The following RANBP17 variants were observed in gnomAD, a reference collection of about 807,000 sequenced individuals.
The protein encoded by RANBP17 is RAN binding protein 17, also known as ran-binding protein 17.
Under a neutral mutation model 141.2 loss-of-function variants are expected in RANBP17, and 158 were observed. That is an observed-to-expected ratio of 1.12 (90% confidence interval 0.98 to 1.28). The LOEUF is 1.28. Among genes scored for constraint, RANBP17 ranks in the 50% most tolerant of loss-of-function variants. RANBP17 has a pLI of 0.00. For synonymous variants in RANBP17, 430 were observed against 450.0 expected (o/e 0.96, Z 0.56); for missense variants, 1,438 against 1,290.7 (o/e 1.11, Z -1.75).
In RANBP17 at chr5:171,242,689, G is replaced by A. The variant is rs144685190; in HGVS notation, c.2645G>A (p.Arg882Gln). 10 of 1,613,150 alleles carry A rather than the reference G, an allele frequency of 6.2e-6. No homozygotes were observed. The highest frequency in any genetic ancestry group is 2.2e-5 in the East Asian group (1 of 44,814). ...SVSHSDLLQYRKLSQSYYPLL... is the reference protein window; with the variant it reads ...SVSHSDLLQYQKLSQSYYPLL... ...TATATCTCTGTGTTGTAGCAATACC[G>A]GAAACTGAGCCAGTCTTATTATCCA... is the stretch of plus-strand genomic sequence containing the variant. The change falls in exon 24 of 28, where the codon CGG (arginine) becomes CAG (glutamine). Residue 882 changes from arginine (R) to glutamine (Q), a missense_variant. Coordinates refer to ENST00000523189, the MANE Select transcript of RANBP17 (RefSeq NM_022897.5).
intron 22 of RANBP17, among the ~76,000 whole-genome samples, chr5:171,236,010 T>A (rs1764522552): frequency 6.6e-6 from 1 of 152,246 alleles, no homozygotes; most frequent in Admixed American, 6.5e-5. Context: ...CATTGTGTTA[T>A]CTTTTTTAAT....
intron 14 of RANBP17, among the ~76,000 whole-genome samples, chr5:171,057,137 T>C (rs966385530): frequency 1.3e-5 from 2 of 152,134 alleles, no homozygotes; most frequent in East Asian, 3.9e-4. Context: ...AGCAGATCCA[T>C]GCTCTAAGAA....
chr5:171,183,335 C>G lies in RANBP17; in HGVS notation c.1943C>G (p.Pro648Arg), dbSNP rs375820514. Reference sequence around the variant, plus strand: ...TGCTTTCATTAGAGTGAACACTTCCCTTTTCTTGGCATCAGTGACAATCAT... The same window carrying G: ...TGCTTTCATTAGAGTGAACACTTCCGTTTTCTTGGCATCAGTGACAATCAT... ...MLKNHTSEHF[P>R]FLGISDNHSL... The change falls in exon 18 of 28, where the codon CCT becomes CGT. Residue 648 changes from proline to arginine, a missense_variant. Coordinates refer to ENST00000523189, the MANE Select transcript of RANBP17 (RefSeq NM_022897.5). The G allele has an allele frequency of 6.2e-6, 10 of 1,613,690 alleles. No homozygotes were observed. Among genetic ancestry groups the G allele is most frequent in the African/African-American group, 1.3e-5 (1 of 74,902 alleles).
At chr5:171,252,103 T>G (rs1765612013) in intron 24 of RANBP17, 2 of 1,597,744 alleles carry the variant, frequency 1.3e-6, no homozygotes, top group Non-Finnish European at 8.6e-7. Flanking sequence ...GAAGAAAAAG[T>G]TGGAGTAATA....
At chr5:170,892,769 GT>G (rs1769758212) in intron 4 of RANBP17, among the ~76,000 whole-genome samples, 1 of 152,042 alleles carries the variant, frequency 6.6e-6, no homozygotes, top group African/African-American at 2.4e-5. Flanking sequence ...AAATAATCAT[GT>G]TTTCTAATTT....
At chr5:170,942,060 C>T (rs1442033189) in intron 12 of RANBP17, among the ~76,000 whole-genome samples, 1 of 152,104 alleles carries the variant, frequency 6.6e-6, no homozygotes, top group African/African-American at 2.4e-5. Context: ...AGATCAGCAG[C>T]GGCATTAGAT....
chr5:171,245,447 T>G (rs1444380663), intron 24 of RANBP17, among the ~76,000 whole-genome samples: 2 of 152,146 alleles, frequency 1.3e-5, no homozygotes, highest in African/African-American at 4.8e-5. Context: ...CCTGAGTAGC[T>G]GGGATTACAG....
chr5:170,909,811 A>G (rs763130751), intron 6 of RANBP17, 46 bp downstream of exon 6: 12 of 1,022,786 alleles, frequency 1.2e-5, no homozygotes, highest in Non-Finnish European at 1.8e-5. Context: ...TATTTGGGAA[A>G]TTTTAAGAGT....
At chr5:171,167,088 A>G (rs1397536175) in intron 14 of RANBP17, among the ~76,000 whole-genome samples, 1 of 152,178 alleles carries the variant, frequency 6.6e-6, no homozygotes, top group African/African-American at 2.4e-5. Flanking sequence ...AAGCACTGCC[A>G]TGTGTCAATG....
In RANBP17 at chr5:170,955,658, A is replaced by G. The variant is rs1325070272; in HGVS notation, c.1574+1956A>G. On this transcript the variant is annotated intron_variant, in intron 13 of 27. Transcript: ENST00000523189. ...ATATATATGCTCAGTGTATATATATATATATATATATATATATATATATAC... is the reference window on the plus strand; with the variant it reads ...ATATATATGCTCAGTGTATATATATGTATATATATATATATATATATATAC... 2.2e-4 allele frequency among the ~76,000 whole-genome samples: 12 copies of G among 53,496 alleles called. 1 individual carries two copies. The highest frequency in any genetic ancestry group is 1.5e-3 in the East Asian group (2 of 1,344). The allele number at this position is 53,496 out of a possible 152,430, so 35.1% of individuals were successfully genotyped here. A position where few individuals can be genotyped will look rare whatever the true frequency, so the allele number is the denominator to read the frequency against.
At chr5:171,061,888 G>T (rs1263431306) in intron 14 of RANBP17, among the ~76,000 whole-genome samples, 2 of 152,094 alleles carry the variant, frequency 1.3e-5, no homozygotes, top group Non-Finnish European at 2.9e-5. Context: ...TCTTCTTTTT[G>T]AATTGATCCC....
intron 14 of RANBP17, among the ~76,000 whole-genome samples, chr5:171,091,211 C>T (rs1024624609): frequency 6.6e-6 from 1 of 152,152 alleles, no homozygotes; most frequent in Non-Finnish European, 1.5e-5. Context: ...CATGGGAACC[C>T]ACTTCTTGCA....
In RANBP17 at chr5:171,221,774, T is replaced by A. The variant is rs1469575126; in HGVS notation, c.2356T>A (p.Phe786Ile). 6.2e-7 allele frequency: 1 copy of A among 1,609,344 alleles called. No homozygotes were observed. The highest frequency in any genetic ancestry group is 2.2e-5 in the East Asian group (1 of 44,766). ...ATTTCTTAGATCCCAGCGTTTGAAT[T>A]TTGATGTATCATCTCCTAATGGAAT... is the stretch of plus-strand genomic sequence containing the variant. ...LMQNRSQRLN[F>I]DVSSPNGILL... is the part of the protein sequence containing the mutation. Residue 786 changes from phenylalanine to isoleucine, a missense_variant, in exon 22 of 28, where the codon TTT becomes ATT. Coordinates refer to ENST00000523189, the MANE Select transcript of RANBP17 (RefSeq NM_022897.5).
intron 23 of RANBP17, 54 bp from the exon 24 acceptor site, chr5:171,242,628 A>G: frequency 1.3e-6 from 2 of 1,574,072 alleles, no homozygotes; most frequent in Non-Finnish European, 1.7e-6. Flanking sequence ...ACTGGACTGT[A>G]ACATGTATTT....
chr5:170,904,152 T>A (rs191205020), intron 5 of RANBP17: 1 of 333,922 alleles, frequency 3.0e-6, no homozygotes, highest in Non-Finnish European at 5.9e-6. Flanking sequence ...ATCTCTACAA[T>A]TTGTCTCCTG....
chr5:171,090,385 AT>A (rs1218550013), intron 14 of RANBP17, among the ~76,000 whole-genome samples: 3 of 152,228 alleles, frequency 2.0e-5, no homozygotes, highest in Admixed American at 2.0e-4. Context: ...GGCAGAATAA[AT>A]TTCTAAACAG....
intron 14 of RANBP17, among the ~76,000 whole-genome samples, chr5:171,127,798 G>A (rs919548406): frequency 6.6e-6 from 1 of 152,150 alleles, no homozygotes; most frequent in African/African-American, 2.4e-5. Flanking sequence ...TAGTATAGAG[G>A]TTTCTTGATA....
At chr5:171,107,658 GTGT>G (rs1239407376) in intron 14 of RANBP17, among the ~76,000 whole-genome samples, 2 of 152,062 alleles carry the variant, frequency 1.3e-5, no homozygotes, top group African/African-American at 4.8e-5. Context: ...ACTTTCCTGG[GTGT>G]TGTTAATTCA....
At chr5:171,261,740 C>T (rs1038700986) in intron 24 of RANBP17, among the ~76,000 whole-genome samples, 1 of 152,124 alleles carries the variant, frequency 6.6e-6, no homozygotes, top group Non-Finnish European at 1.5e-5. Context: ...ATATTTTAAA[C>T]ACCAAGAACT....
Sources: allele counts gnomAD v4.1 joint callset (sites outside exome capture counted in the v4.1 genomes callset), GRCh38; gene constraint gnomAD v4.1.1; transcripts MANE v1.5; gene names NCBI Gene and HGNC (gene_info 2026-07-23, HGNC 2026-07-21).